The following OTOGL variants were observed in gnomAD, a reference collection of about 807,000 sequenced individuals.
OTOGL encodes the protein otogelin-like protein.
In OTOGL, 285 loss-of-function variants were observed where a neutral mutation model predicts 318.5. The observed-to-expected ratio is 0.89, with a 90% CI of 0.81 to 0.99. OTOGL has a LOEUF of 0.99. OTOGL is among the 50% of genes least tolerant of loss of function. The pLI is 0.00. For synonymous variants in OTOGL, 987 were observed against 936.5 expected, an observed-to-expected ratio of 1.05 and a Z score of -0.99; for missense variants, 2,899 against 2,845.6, an observed-to-expected ratio of 1.02 and a Z score of -0.43.
intron 41 of OTOGL, 36 bp downstream of exon 41, chr12:80,336,856 G>A (rs760693380): frequency 3.7e-5 from 57 of 1,537,242 alleles, no homozygotes; most frequent in South Asian, 8.4e-5. Context: ...CATTCATTCT[G>A]TTTATCACTA....
chr12:80,239,062 G>A, intron 10 of OTOGL, 84 bp downstream of exon 10: 1 of 1,362,456 alleles, frequency 7.3e-7, no homozygotes, highest in South Asian at 1.7e-5. Flanking sequence ...ATTTTTTAGT[G>A]TAAACACAAC....
chr12:80,244,540 T>C (rs1195582723), intron 11 of OTOGL, among the ~76,000 whole-genome samples: 1 of 149,418 alleles, frequency 6.7e-6, no homozygotes, highest in Non-Finnish European at 1.5e-5. Flanking sequence ...ATGGTGTATA[T>C]GTGCCACATT....
intron 44 of OTOGL, chr12:80,343,519 T>TC (rs1224158078): frequency 1.5e-5 from 2 of 129,528 alleles, no homozygotes; most frequent in African/African-American, 6.4e-5. Context: ...GTTTTTTTTT[T>TC]TTTTTTTTTT....
intron 1 of OTOGL, among the ~76,000 whole-genome samples, chr12:80,120,743 C>T (rs1870440107): frequency 6.6e-6 from 1 of 152,162 alleles, no homozygotes; most frequent in South Asian, 2.1e-4. Flanking sequence ...ACAAACTATA[C>T]AAATCTCACC....
rs199674686 is a variant in OTOGL, at chr12:80,251,813, T to C, written c.1159+14T>C. The C allele has an allele frequency of 2.0e-3, 3,032 of 1,551,972 alleles. 40 individuals are homozygous for C. The highest frequency in any genetic ancestry group is 0.019 in the Middle Eastern group (112 of 5,970). Reference sequence around the variant, plus strand: ...TTCCAGCATGCAGTATGTTTTTTTATTTTCCAAGCCCTGTGTACTTTTGCC... The same window carrying C: ...TTCCAGCATGCAGTATGTTTTTTTACTTTCCAAGCCCTGTGTACTTTTGCC... On this transcript the variant is annotated intron_variant, in intron 12 of 58. Transcript: ENST00000547103.
intron 26 of OTOGL, among the ~76,000 whole-genome samples, chr12:80,293,934 T>C (rs542927433): frequency 6.6e-6 from 1 of 152,274 alleles, no homozygotes; most frequent in Non-Finnish European, 1.5e-5. Flanking sequence ...GGGCTGGGGC[T>C]ATGACAGGTG....
intron 6 of OTOGL, 82 bp from the exon 7 acceptor site, chr12:80,222,009 A>T: frequency 7.2e-7 from 1 of 1,388,836 alleles, no homozygotes. Flanking sequence ...TGAAAATTAG[A>T]ATCATTTACC....
At chr12:80,229,192 G>A (rs1879142345) in intron 7 of OTOGL, 65 bp from the exon 8 acceptor site, 1 of 1,504,460 alleles carries the variant, frequency 6.6e-7, no homozygotes, top group African/African-American at 1.4e-5. Context: ...AACATACATT[G>A]TGGTTTTAAT....
At chr12:80,111,068 G>A (rs192846077) in intron 1 of OTOGL, among the ~76,000 whole-genome samples, 1 of 152,292 alleles carries the variant, frequency 6.6e-6, no homozygotes, top group Admixed American at 6.5e-5. Flanking sequence ...TTTGAGAAGT[G>A]TCTCTTCATA....
Position 80,279,004 on chromosome 12 carries a change from GTAACT to G in OTOGL, c.2790-22_2790-18del. The G allele has an allele frequency of 6.4e-7, 1 of 1,566,616 alleles. No individual in the cohort carries two copies. The highest frequency in any genetic ancestry group is 8.7e-7 in the Non-Finnish European group (1 of 1,155,856). The stretch of plus-strand genomic sequence containing the variant: ...TAGTTAGAGTCGTTTCTTTAGAAAG[GTAACT>G]TTTGTTATTTTTTAATAGCGTTTGT... On this transcript the variant is annotated intron_variant, in intron 25 of 58. Coordinates refer to ENST00000547103, the MANE Select transcript of OTOGL (RefSeq NM_001378609.3).
chr12:80,349,327 A>T (rs1353923615), intron 44 of OTOGL, among the ~76,000 whole-genome samples: 1 of 152,184 alleles, frequency 6.6e-6, no homozygotes, highest in African/African-American at 2.4e-5. Context: ...CAGCAGTCTT[A>T]AGTAGTAGTA....
chr12:80,129,360 T>G lies in OTOGL; in HGVS notation c.-20+29755T>G, dbSNP rs561649393. On this transcript the variant is annotated intron_variant, in intron 1 of 58. Coordinates refer to ENST00000547103, the MANE Select transcript of OTOGL (RefSeq NM_001378609.3). ...AAGACTTGTCAATACTTTGGCCTTT[T>G]TGTGTTTTAGTCATATTTTTCTATG... 7.9e-4 allele frequency among the ~76,000 whole-genome samples: 121 copies of G among 152,356 alleles called. 1 individual carries two copies. In the South Asian group the frequency reaches 0.024, roughly 31 times the overall value.
chr12:80,276,020 A>C (rs1883779513), intron 24 of OTOGL, among the ~76,000 whole-genome samples: 1 of 151,838 alleles, frequency 6.6e-6, no homozygotes, highest in African/African-American at 2.4e-5. Context: ...TCTAGAACCA[A>C]ATTAACAATA....
At chr12:80,147,712 G>A (rs1872493081) in intron 1 of OTOGL, among the ~76,000 whole-genome samples, 1 of 152,082 alleles carries the variant, frequency 6.6e-6, no homozygotes, top group African/African-American at 2.4e-5. Context: ...AGGTCACTCA[G>A]GACCTGCTTT....
Position 80,377,153 on chromosome 12 carries a change from T to C in OTOGL, c.6812T>C (p.Val2271Ala), listed in dbSNP as rs1445969468. 6.2e-7 allele frequency: 1 copy of C among 1,609,966 alleles called. No homozygotes were observed. The highest frequency in any genetic ancestry group is 1.3e-5 in the African/African-American group (1 of 74,796). ...CKREERICQK[V>A]IIKSVIRKQD... ...CGAGAAGAAAGAATATGCCAGAAAG[T>C]GATCATTAAATCGGTCATAAGGAAA... The change falls in exon 58 of 59, where the codon GTG becomes GCG. Residue 2271 changes from valine to alanine, a missense_variant. Transcript: ENST00000547103.
chr12:80,297,108 T>A (rs1885455264), intron 27 of OTOGL, 147 bp downstream of exon 27: 2 of 673,394 alleles, frequency 3.0e-6, no homozygotes, highest in East Asian at 6.3e-5. Flanking sequence ...TTCAGTACAT[T>A]GTGCTTGACT....
chr12:80,345,526 C>T (rs1390115714), intron 44 of OTOGL, among the ~76,000 whole-genome samples: 3 of 151,960 alleles, frequency 2.0e-5, no homozygotes, highest in African/African-American at 7.3e-5. Flanking sequence ...TGTGAGCCAT[C>T]ACACCTGACC....
In OTOGL at chr12:80,125,589, T is replaced by A. The variant is rs561245388; in HGVS notation, c.-20+25984T>A. On this transcript the variant is annotated intron_variant, in intron 1 of 58. Transcript: ENST00000547103. ...AGGAGGATTCTCTCTTTTTCTATTGTTTGGAATAGTTTCAGAAGGAATGGT... is the reference window on the plus strand; with the variant it reads ...AGGAGGATTCTCTCTTTTTCTATTGATTGGAATAGTTTCAGAAGGAATGGT... Among the ~76,000 whole-genome samples, 490 of 152,278 alleles carry A rather than the reference T, an allele frequency of 3.2e-3. 3 individuals carry two copies. The highest frequency in any genetic ancestry group is 5.6e-3 in the Non-Finnish European group (378 of 68,024).
chr12:80,356,586 CT>C, intron 48 of OTOGL, 66 bp downstream of exon 48: 3 of 1,269,086 alleles, frequency 2.4e-6, no homozygotes, highest in Non-Finnish European at 3.3e-6. Flanking sequence ...GAATTAGATT[CT>C]CATTCATTGT....
Sources: gnomAD v4.1 joint callset for allele counts (sites outside exome capture counted in the v4.1 genomes callset) on GRCh38, gnomAD v4.1.1 for gene constraint, MANE v1.5 for transcripts, NCBI Gene and HGNC (gene_info 2026-07-23, HGNC 2026-07-21) for gene names.